Variants in IMPA1 observed in about 807,000 individuals in gnomAD.
IMPA1 encodes inositol monophosphatase 1.
A neutral mutation model predicts 34.9 loss-of-function variants in IMPA1; 21 were observed. The observed-to-expected ratio is 0.60, with a 90% CI of 0.43 to 0.87. The LOEUF (loss-of-function observed/expected upper bound fraction) is 0.87, where lower values mean the gene tolerates loss of function less well. Among genes scored for constraint, IMPA1 ranks in the 40% least tolerant of loss-of-function variants. The pLI is 0.00. For synonymous variants in IMPA1, 95 were observed against 104.4 expected, an observed-to-expected ratio of 0.91 and a Z score of 0.55; for missense variants, 299 against 336.4, an observed-to-expected ratio of 0.89 and a Z score of 0.87.
chr8:81,675,769 A>C (rs1311651987), intron 5 of IMPA1, among the ~76,000 whole-genome samples: 1 of 152,226 alleles, frequency 6.6e-6, no homozygotes, highest in Admixed American at 6.5e-5. Flanking sequence ...AAGTATTTAC[A>C]CATAAGACAA....
At chr8:81,686,066 T>A in intron 1 of IMPA1, 186 bp downstream of exon 1, 1 of 1,062,496 alleles carries the variant, frequency 9.4e-7, no homozygotes, top group Non-Finnish European at 1.3e-6. Context: ...ATGCCGGAAC[T>A]GTTCCCGGTC....
intron 2 of IMPA1, among the ~76,000 whole-genome samples, chr8:81,681,104 T>G (rs1385371980): frequency 1.3e-5 from 2 of 152,172 alleles, no homozygotes; most frequent in African/African-American, 2.4e-5. Flanking sequence ...ATATTTTATT[T>G]AACAAGGCAG....
In IMPA1 at chr8:81,659,412, A is replaced by G; in HGVS notation, c.773T>C (p.Leu258Ser). 1 of 1,612,502 alleles carries G rather than the reference A, an allele frequency of 6.2e-7. No individual in the cohort carries two copies. The highest frequency in any genetic ancestry group is 8.5e-7 in the Non-Finnish European group (1 of 1,178,778). ...AATTTCTTTAGCTATCCTTTCTGCT[A>G]ATATTCTATTATTTGCAGCAATTAC... ...RRVIAANNRILAERIAKEIQV... is the reference protein window; with the variant it reads ...RRVIAANNRISAERIAKEIQV... Residue 258 changes from leucine to serine, a missense_variant, in exon 9 of 9, where the codon TTA (leucine) becomes TCA (serine). Physicochemically the swap from Leu to Ser is moderately radical, Grantham distance 145 (BLOSUM62 -2). Transcript: ENST00000256108.
intron 4 of IMPA1, chr8:81,678,484 G>C (rs1807193014): frequency 6.5e-6 from 1 of 153,198 alleles, no homozygotes; most frequent in Non-Finnish European, 1.5e-5. Context: ...CTGAGGTCAG[G>C]AGTTCAAGAC....
intron 8 of IMPA1, 55 bp from the exon 9 acceptor site, chr8:81,659,521 T>C (rs921267572): frequency 1.0e-6 from 1 of 986,648 alleles, no homozygotes; most frequent in African/African-American, 1.6e-5. Context: ...ATAATTCATA[T>C]AAAACAAGTA....
rs1001109417 is a variant in IMPA1, at chr8:81,659,206, T to A, written c.*145A>T. 1 of 651,956 alleles carries A rather than the reference T, an allele frequency of 1.5e-6. No individual in the cohort carries two copies. Among genetic ancestry groups the A allele is most frequent in the East Asian group, 2.8e-5 (1 of 36,318 alleles). 40.4% of individuals were successfully genotyped at this position (651,956 alleles called of 1,614,324 possible). A position where few individuals can be genotyped will look rare whatever the true frequency, so the allele number is the denominator to read the frequency against. ...ATGTCAATTCTTGCAAACCTAGACATAGTAAAATAAGAAACAAGTTCCAAA... is the reference window on the plus strand; with the variant it reads ...ATGTCAATTCTTGCAAACCTAGACAAAGTAAAATAAGAAACAAGTTCCAAA... On this transcript the variant is annotated 3_prime_UTR_variant, in exon 9 of 9. Coordinates refer to ENST00000256108, the MANE Select transcript of IMPA1 (RefSeq NM_005536.4).
At chr8:81,671,163 C>G in intron 6 of IMPA1, 116 bp from the exon 7 acceptor site, 2 of 501,246 alleles carry the variant, frequency 4.0e-6, no homozygotes, top group South Asian at 3.8e-5. Context: ...TCTTTATAAG[C>G]ATTTAAATAA....
chr8:81,675,673 C>T (rs1310318373), intron 5 of IMPA1, among the ~76,000 whole-genome samples: 1 of 152,192 alleles, frequency 6.6e-6, no homozygotes, highest in Non-Finnish European at 1.5e-5. Context: ...ATGTTAGTAA[C>T]CATCCTTTAC....
At chr8:81,685,083 AAAT>A (rs1807461570) in intron 1 of IMPA1, among the ~76,000 whole-genome samples, 1 of 136,566 alleles carries the variant, frequency 7.3e-6, no homozygotes, top group Non-Finnish European at 1.5e-5. Flanking sequence ...TATATACTAT[AAAT>A]AAGTATATTT....
chr8:81,676,299 CAA>C lies in IMPA1; in HGVS notation c.303-22_303-21del. On this transcript the variant is annotated intron_variant, in intron 4 of 8. Coordinates refer to ENST00000256108, the MANE Select transcript of IMPA1 (RefSeq NM_005536.4). ...GGAAATCTTTTTTTAAAAAAAAGGA[CAA>C]AATACAAATTAACCAACATAGAACT... The C allele has an allele frequency of 8.5e-7, 1 of 1,176,278 alleles. No homozygotes were observed. The highest frequency in any genetic ancestry group is 1.2e-6 in the Non-Finnish European group (1 of 831,506). 72.9% of individuals were successfully genotyped at this position (1,176,278 alleles called of 1,614,324 possible).
chr8:81,686,235 G>A lies in IMPA1; in HGVS notation c.-25+17C>T, dbSNP rs1807522558. ...CGCTGAACCCGGAGGGTGCGGTGAGGAAAATAACGGTCTCACCTTGAGTCG... is the reference window on the plus strand; with the variant it reads ...CGCTGAACCCGGAGGGTGCGGTGAGAAAAATAACGGTCTCACCTTGAGTCG... On this transcript the variant is annotated intron_variant, in intron 1 of 8. Transcript: ENST00000256108. The A allele has an allele frequency of 9.8e-7, 1 of 1,020,320 alleles. No individual in the cohort carries two copies. The highest frequency in any genetic ancestry group is 1.2e-6 in the Non-Finnish European group (1 of 846,472). 63.2% of individuals were successfully genotyped at this position (1,020,320 alleles called of 1,614,324 possible). A position where few individuals can be genotyped will look rare whatever the true frequency, so the allele number is the denominator to read the frequency against.
At chr8:81,668,939 G>T (rs1485890080) in intron 7 of IMPA1, among the ~76,000 whole-genome samples, 1 of 152,148 alleles carries the variant, frequency 6.6e-6, no homozygotes, top group Non-Finnish European at 1.5e-5. Flanking sequence ...CCCAGCCAAG[G>T]TCAAGTGACC....
intron 6 of IMPA1, among the ~76,000 whole-genome samples, chr8:81,672,028 T>C (rs953818772): frequency 6.6e-6 from 1 of 152,248 alleles, no homozygotes; most frequent in Non-Finnish European, 1.5e-5. Flanking sequence ...TCTCACATGA[T>C]GACATCTAGA....
chr8:81,660,906 A>T (rs1806654362), intron 7 of IMPA1, among the ~76,000 whole-genome samples: 1 of 152,244 alleles, frequency 6.6e-6, no homozygotes, highest in African/African-American at 2.4e-5. Context: ...ACATTAAAAC[A>T]ATAATTTTTC....
Position 81,681,544 on chromosome 8 carries a change from T to G in IMPA1, c.17A>C (p.Gln6Pro). ...AGTTACTGCATAATCCATGCATTCC[T>G]GCCAAGGATCAGCCATCTTCTGAAA... MADPW[Q>P]ECMDYAVTLA... The change falls in exon 2 of 9, where the codon CAG becomes CCG. Residue 6 changes from glutamine to proline, a missense_variant. Physicochemically the swap from Gln to Pro is moderately conservative, Grantham distance 76 (BLOSUM62 -1). Transcript: ENST00000256108. 6.2e-7 allele frequency: 1 copy of G among 1,608,886 alleles called. No homozygotes were observed. The highest frequency in any genetic ancestry group is 8.5e-7 in the Non-Finnish European group (1 of 1,175,618).
chr8:81,681,299 TGGGA>T (rs1305096137), intron 2 of IMPA1, among the ~76,000 whole-genome samples, 195 bp downstream of exon 2: 1 of 152,014 alleles, frequency 6.6e-6, no homozygotes, highest in African/African-American at 2.4e-5. Flanking sequence ...GAGGCTGAAG[TGGGA>T]GGATTACTTG....
intron 7 of IMPA1, among the ~76,000 whole-genome samples, chr8:81,667,664 G>A (rs1806868686): frequency 6.6e-6 from 1 of 152,090 alleles, no homozygotes; most frequent in African/African-American, 2.4e-5. Flanking sequence ...CTTAGAGATT[G>A]AGTTAAGTAG....
At chr8:81,661,885 C>T (rs1806685762) in intron 7 of IMPA1, among the ~76,000 whole-genome samples, 1 of 152,168 alleles carries the variant, frequency 6.6e-6, no homozygotes, top group African/African-American at 2.4e-5. Flanking sequence ...CCTTCTCCAA[C>T]TGTTTAAAGC....
intron 1 of IMPA1, 135 bp from the exon 2 acceptor site, chr8:81,681,719 T>C (rs1807305565): frequency 2.2e-5 from 13 of 578,240 alleles, no homozygotes; most frequent in Non-Finnish European, 2.5e-5. Flanking sequence ...GATTTATGCC[T>C]ATACCCAGTA....
Sources: gnomAD v4.1 joint callset for allele counts (sites outside exome capture counted in the v4.1 genomes callset) on GRCh38, gnomAD v4.1.1 for gene constraint, MANE v1.5 for transcripts, NCBI Gene and HGNC (gene_info 2026-07-23, HGNC 2026-07-21) for gene names.